Variants in HIBCH observed in about 807,000 individuals in gnomAD.
HIBCH encodes 3-hydroxyisobutyryl-CoA hydrolase, also known as 3-hydroxyisobutyryl-CoA hydrolase, mitochondrial.
HIBCH carries 50 observed loss-of-function variants against 58.2 expected under a neutral mutation model. The observed-to-expected ratio is 0.86, with a 90% CI of 0.68 to 1.09. The LOEUF is 1.09. HIBCH is among the 50% of genes least tolerant of loss of function. HIBCH has a pLI of 0.00. For synonymous variants in HIBCH, 151 were observed against 146.9 expected (o/e 1.03, Z -0.20); for missense variants, 450 against 449.7 (o/e 1.00, Z -0.01).
downstream of HIBCH, chr2:190,199,738 T>A: frequency 6.7e-7 from 1 of 1,501,148 alleles, no homozygotes; most frequent in Non-Finnish European, 8.8e-7. Flanking sequence ...GAACATTGAT[T>A]ACTGAAGTGC....
At chr2:190,200,261 T>C (rs1388076230), downstream of HIBCH, 2 of 823,320 alleles carry the variant, frequency 2.4e-6, no homozygotes, top group East Asian at 5.0e-5. Flanking sequence ...AAAATGTGTC[T>C]ACGATAATGT....
intron 6 of HIBCH, among the ~76,000 whole-genome samples, chr2:190,273,370 G>C (rs534609421): frequency 1.2e-4 from 18 of 152,258 alleles, no homozygotes; most frequent in African/African-American, 4.3e-4. Context: ...TCCAGCCTGG[G>C]TGACAGAGCG....
intron 5 of HIBCH, among the ~76,000 whole-genome samples, chr2:190,289,186 T>A (rs1424306862): frequency 6.6e-6 from 1 of 152,136 alleles, no homozygotes; most frequent in Non-Finnish European, 1.5e-5. Flanking sequence ...TAATGTTAAA[T>A]GAGTATACAG....
intron 11 of HIBCH, among the ~76,000 whole-genome samples, chr2:190,221,233 G>A (rs1004103301): frequency 1.3e-5 from 2 of 152,078 alleles, no homozygotes; most frequent in Admixed American, 6.5e-5. Context: ...CAGAGTCTTC[G>A]GGTTTGGACT....
rs1230934832 is a variant in HIBCH, at chr2:190,252,177, A to G, written c.648T>C (p.Phe216=). The part of the protein sequence containing the change: ...DVYRAGIATH[F]VDSEKLAMLE... ...GAAAAAGTACCTTTTCAGAATCTAC[A>G]AAGTGTGTAGCAATTCCTGCTCTGT... Residue 216 remains phenylalanine, a synonymous_variant, in exon 8 of 14, where the codon TTT becomes TTC. Coordinates refer to ENST00000359678, the MANE Select transcript of HIBCH (RefSeq NM_014362.4). 1.9e-6 allele frequency: 3 copies of G among 1,613,956 alleles called. No homozygotes were observed. Among genetic ancestry groups the G allele is most frequent in the Admixed American group, 3.3e-5 (2 of 60,022 alleles).
rs779305799 is a variant in HIBCH, at chr2:190,261,273, A to T, written c.439-39T>A. The T allele has an allele frequency of 4.2e-6, 6 of 1,414,960 alleles. No homozygotes were observed. The East Asian group carries it at 1.1e-4, about 27-fold the overall frequency. 87.7% of individuals were successfully genotyped at this position (1,414,960 alleles called of 1,614,324 possible). ...GCAAAAAAAGAGGCGGGGGGGAATT[A>T]AACATATTGTTAAAAAACAAGCAAA... On this transcript the variant is annotated intron_variant, in intron 6 of 13. Transcript: ENST00000359678.
exon 1 of HIBCH, chr2:190,319,825 CCACCGCCGTCCTG>C: frequency 3.2e-6 from 5 of 1,554,038 alleles, no homozygotes; most frequent in African/African-American, 1.4e-5. Context: ...TGAGCCCCGC[CCACCGCCGTCCTG>C]CGCCGCCGGG....
At chr2:190,230,810 A>G (rs1284791543) in intron 11 of HIBCH, among the ~76,000 whole-genome samples, 5 of 152,230 alleles carry the variant, frequency 3.3e-5, no homozygotes, top group Non-Finnish European at 2.9e-5. Context: ...TCCAGAGAAC[A>G]GGGAAAACAG....
chr2:190,318,325 G>C (rs367761392), intron 1 of HIBCH, among the ~76,000 whole-genome samples: 1 of 151,996 alleles, frequency 6.6e-6, no homozygotes. Flanking sequence ...CATTAGAAAA[G>C]TAGGCCAGTA....
intron 1 of HIBCH, among the ~76,000 whole-genome samples, chr2:190,192,066 C>T (rs1309142921): frequency 1.3e-5 from 2 of 151,656 alleles, no homozygotes; most frequent in African/African-American, 4.8e-5. Flanking sequence ...GTTTTGTCTT[C>T]TTGTTTTATA....
chr2:190,223,741 G>A (rs1685801112), intron 11 of HIBCH, among the ~76,000 whole-genome samples: 1 of 152,188 alleles, frequency 6.6e-6, no homozygotes, highest in Admixed American at 6.5e-5. Flanking sequence ...GGAAGATAAA[G>A]AAAGCTAAAG....
chr2:190,309,074 A>C (rs1485662112), intron 2 of HIBCH, among the ~76,000 whole-genome samples: 1 of 152,196 alleles, frequency 6.6e-6, no homozygotes, highest in Non-Finnish European at 1.5e-5. Flanking sequence ...ATACTTCATA[A>C]AACACCCCAA....
rs1688365090 is a variant in HIBCH at position 190,304,973 on chromosome 2, TCTCTCTAA to T, written c.78+5773_78+5780del. ...AAAAATCCTGGGTTCTAGCCTTAAG[TCTCTCTAA>T]CTGTGTGGTCTTGTGTAATCTTTAT... is the stretch of plus-strand genomic sequence containing the variant. On this transcript the variant is annotated intron_variant, in intron 2 of 13. Transcript: ENST00000359678. This position sits in a 1 kb window ranked among gnomAD's most constrained non-coding sequence, Gnocchi z 4.1. 1.4e-5 allele frequency among the ~76,000 whole-genome samples: 1 copy of T among 73,292 alleles called. No individual in the cohort carries two copies. The highest frequency in any genetic ancestry group is 3.4e-5 in the Non-Finnish European group (1 of 29,276). 48.1% of individuals were successfully genotyped at this position (73,292 alleles called of 152,430 possible).
intron 1 of HIBCH, among the ~76,000 whole-genome samples, chr2:190,198,744 C>G (rs1323171560): frequency 6.6e-6 from 1 of 151,222 alleles, no homozygotes; most frequent in Non-Finnish European, 1.5e-5. Context: ...TAATCTCATT[C>G]ATAGAGATTA....
intron 6 of HIBCH, among the ~76,000 whole-genome samples, chr2:190,272,907 C>A (rs1687442136): frequency 6.6e-6 from 1 of 151,918 alleles, no homozygotes; most frequent in African/African-American, 2.4e-5. Context: ...ATAAGACAGA[C>A]AAGTAGTAAA....
At chr2:190,237,250 G>C (rs186306244) in intron 11 of HIBCH, among the ~76,000 whole-genome samples, 3 of 152,210 alleles carry the variant, frequency 2.0e-5, no homozygotes, top group Admixed American at 2.0e-4. Context: ...TCTGGCAACT[G>C]ATCTGTTTTC....
rs772393687 is a variant in HIBCH, at chr2:190,217,966, G to A, written c.892-4891C>T. ...AGGCTCCGTCATTGGGGGTGGATAC[G>A]GTTAGGATTAATCCTAACACAAGGG... On this transcript the variant is annotated intron_variant, in intron 11 of 13. Coordinates refer to ENST00000359678, the MANE Select transcript of HIBCH (RefSeq NM_014362.4). The surrounding 1 kb of genome is among the most constrained non-coding windows in gnomAD (Gnocchi z 4.6). Among the ~76,000 whole-genome samples, 22 of 152,068 alleles carry A rather than the reference G, an allele frequency of 1.4e-4. No homozygotes were observed. The highest frequency in any genetic ancestry group is 1.2e-4 in the Non-Finnish European group (8 of 68,026).
At chr2:190,309,363 G>A (rs1688498885) in intron 2 of HIBCH, among the ~76,000 whole-genome samples, 1 of 152,086 alleles carries the variant, frequency 6.6e-6, no homozygotes, top group Non-Finnish European at 1.5e-5. Flanking sequence ...ATACCACCTA[G>A]AATACAGTGA....
chr2:190,203,745 C>T (rs2105893730), downstream of HIBCH, among the ~76,000 whole-genome samples: 1 of 152,132 alleles, frequency 6.6e-6, no homozygotes, highest in Non-Finnish European at 1.5e-5. Context: ...TCACATAAAA[C>T]AGATTAAGAA....
Sources: allele counts gnomAD v4.1 joint callset (sites outside exome capture counted in the v4.1 genomes callset), GRCh38; gene constraint gnomAD v4.1.1; non-coding constraint Gnocchi (gnomAD v3.1); transcripts MANE v1.5; gene names NCBI Gene and HGNC (gene_info 2026-07-23, HGNC 2026-07-21).